Variants in ST13 observed in about 807,000 individuals in gnomAD.
ST13 encodes ST13 Hsp70 interacting protein, also known as hsc70-interacting protein.
ST13 carries 23 observed loss-of-function variants against 56.7 expected under a neutral mutation model. That is an observed-to-expected ratio of 0.41 (90% CI 0.29 to 0.57). The LOEUF is 0.57. Ranked by LOEUF, ST13 falls within the 20% of genes least tolerant of loss-of-function variation. The pLI is 0.36. For synonymous variants in ST13, 132 were observed against 142.4 expected, an observed-to-expected ratio of 0.93 and a Z score of 0.52; for missense variants, 369 against 459.9, an observed-to-expected ratio of 0.80 and a Z score of 1.81.
At chr22:40,827,302 ACAGGTT>A in intron 10 of ST13, 73 bp from the exon 11 acceptor site, 1 of 1,535,460 alleles carries the variant, frequency 6.5e-7, no homozygotes, top group Non-Finnish European at 8.9e-7. Context: ...CACAAAAAGT[ACAGGTT>A]CAAAGAATAT....
At chr22:40,832,531 T>C in intron 8 of ST13, 38 bp downstream of exon 8, 3 of 1,484,836 alleles carry the variant, frequency 2.0e-6, no homozygotes, top group South Asian at 1.1e-5. Flanking sequence ...CGATGGAGTA[T>C]TTAACTAATG....
chr22:40,832,788 A>C, intron 7 of ST13, 117 bp from the exon 8 acceptor site: 1 of 738,718 alleles, frequency 1.4e-6, no homozygotes, highest in Non-Finnish European at 2.2e-6. Context: ...TTAAATATTA[A>C]CTATAAACTT....
intron 8 of ST13, chr22:40,831,999 C>A (rs1449876303): frequency 2.8e-5 from 9 of 324,016 alleles, no homozygotes; most frequent in South Asian, 2.0e-4. Flanking sequence ...ACTACGTAGG[C>A]GCATGCCACC....
At chr22:40,839,198 A>T (rs908744858) in intron 5 of ST13, among the ~76,000 whole-genome samples, 1 of 152,226 alleles carries the variant, frequency 6.6e-6, no homozygotes, top group Admixed American at 6.5e-5. Flanking sequence ...TAAGGAGCTA[A>T]ATTAATCAGG....
At chr22:40,837,335 G>A (rs2057782510) in intron 5 of ST13, among the ~76,000 whole-genome samples, 1 of 152,054 alleles carries the variant, frequency 6.6e-6, no homozygotes, top group African/African-American at 2.4e-5. Flanking sequence ...CAGGGTCTTG[G>A]CTGGGCACAG....
intron 3 of ST13, among the ~76,000 whole-genome samples, chr22:40,845,457 AC>A (rs2057826200): frequency 6.6e-6 from 1 of 152,086 alleles, no homozygotes; most frequent in African/African-American, 2.4e-5. Flanking sequence ...GAGCCACTGC[AC>A]CTGGTCCCTA....
intron 10 of ST13, among the ~76,000 whole-genome samples, chr22:40,827,500 C>T (rs780378743): frequency 1.5e-4 from 23 of 152,042 alleles, no homozygotes; most frequent in Non-Finnish European, 2.9e-4. Flanking sequence ...TGTTTTGAGA[C>T]GGAGTCTTGC....
intron 10 of ST13, among the ~76,000 whole-genome samples, 174 bp from the exon 11 acceptor site, chr22:40,827,403 T>C (rs2057733907): frequency 6.6e-6 from 1 of 152,228 alleles, no homozygotes; most frequent in Non-Finnish European, 1.5e-5. Flanking sequence ...CTTCTAATTA[T>C]CTCTTTAAAA....
At chr22:40,836,127 A>G (rs954196111) in intron 5 of ST13, among the ~76,000 whole-genome samples, 5 of 152,240 alleles carry the variant, frequency 3.3e-5, no homozygotes, top group African/African-American at 9.6e-5. Context: ...AGAATAGCAC[A>G]TTCTTAGTAT....
Position 40,855,434 on chromosome 22 carries a change from C to G in ST13, c.110+997G>C, listed in dbSNP as rs575116956. 4.6e-5 allele frequency among the ~76,000 whole-genome samples: 7 copies of G among 152,340 alleles called. No individual in the cohort carries two copies. The South Asian group carries it at 1.4e-3, about 32-fold the overall frequency. On this transcript the variant is annotated intron_variant, in intron 1 of 11. Transcript: ENST00000216218. ...GCGGCCTGGACAATACAGCCAAACC[C>G]TGTCTCTAAAAGACAAAAGTCACTA...
intron 5 of ST13, among the ~76,000 whole-genome samples, chr22:40,836,838 C>G (rs1054303570): frequency 6.6e-6 from 1 of 151,824 alleles, no homozygotes; most frequent in Non-Finnish European, 1.5e-5. Context: ...AAGACAAATA[C>G]AGAATTTTTT....
chr22:40,847,828 C>G (rs1272585604), intron 3 of ST13, among the ~76,000 whole-genome samples: 1 of 152,086 alleles, frequency 6.6e-6, no homozygotes, highest in Non-Finnish European at 1.5e-5. Flanking sequence ...GTGGGTGGAT[C>G]ACGAGGTCAG....
At chr22:40,831,333 G>A (rs997753284) in intron 8 of ST13, among the ~76,000 whole-genome samples, 6 of 152,200 alleles carry the variant, frequency 3.9e-5, no homozygotes, top group Admixed American at 3.9e-4. Flanking sequence ...ACGGATGTCT[G>A]CCGTGGGAAG....
chr22:40,842,636 A>G (rs1358723568), intron 4 of ST13, among the ~76,000 whole-genome samples: 2 of 151,330 alleles, frequency 1.3e-5, no homozygotes, highest in Admixed American at 1.3e-4. Context: ...AAAGTAAACA[A>G]GAAGGAGGCA....
intron 9 of ST13, among the ~76,000 whole-genome samples, chr22:40,830,550 A>AATGTG (rs1223256642): frequency 2.0e-5 from 3 of 152,216 alleles, no homozygotes; most frequent in African/African-American, 7.2e-5. Context: ...CAAAAGATCA[A>AATGTG]ACAATAATAC....
At chr22:40,850,976 A>G in intron 1 of ST13, 96 bp from the exon 2 acceptor site, 1 of 796,694 alleles carries the variant, frequency 1.3e-6, no homozygotes, top group South Asian at 1.9e-5. Context: ...AGACATTTAG[A>G]TGACTACCTT....
At chr22:40,854,594 C>T (rs920296343) in intron 1 of ST13, 2 of 152,200 alleles carry the variant, frequency 1.3e-5, no homozygotes, top group Non-Finnish European at 2.9e-5. Flanking sequence ...CAGGAGGACA[C>T]TGTTCTTACA....
At chr22:40,832,755 G>A (rs530407843) in intron 7 of ST13, 84 bp from the exon 8 acceptor site, 1 of 1,082,742 alleles carries the variant, frequency 9.2e-7, no homozygotes, top group Non-Finnish European at 1.4e-6. Flanking sequence ...TACAAAAAAG[G>A]ATTGTTCTAA....
intron 3 of ST13, among the ~76,000 whole-genome samples, chr22:40,845,502 T>C (rs558917971): frequency 6.6e-6 from 1 of 152,220 alleles, no homozygotes; most frequent in Non-Finnish European, 1.5e-5. Context: ...CATGGACAAG[T>C]TTTAATTTTA....
Sources: allele counts gnomAD v4.1 joint callset (sites outside exome capture counted in the v4.1 genomes callset), GRCh38; gene constraint gnomAD v4.1.1; transcripts MANE v1.5; gene names NCBI Gene and HGNC (gene_info 2026-07-23, HGNC 2026-07-21).